Variants in PRKAG2 observed in about 807,000 individuals in gnomAD.
The protein encoded by PRKAG2 is 5'-AMP-activated protein kinase subunit gamma-2.
In PRKAG2, 26 loss-of-function variants were observed where a neutral mutation model predicts 69.6. That is an observed-to-expected ratio of 0.37 (90% confidence interval 0.27 to 0.52). The LOEUF is 0.52. Ranked by LOEUF, PRKAG2 falls within the 20% of genes least tolerant of loss-of-function variation. The pLI, the probability that PRKAG2 is intolerant of heterozygous loss-of-function variation, is 0.90. For missense variants in PRKAG2, 557 were observed against 740.0 expected (o/e 0.75, Z 2.87); for synonymous variants, 293 against 285.0 (o/e 1.03, Z -0.28).
chr7:151,605,459 G>A (rs1417000692), intron 5 of PRKAG2, among the ~76,000 whole-genome samples: 1 of 151,784 alleles, frequency 6.6e-6, no homozygotes, highest in Non-Finnish European at 1.5e-5. Context: ...TTATGGCTGG[G>A]TGCAGTGGCT....
intron 4 of PRKAG2, among the ~76,000 whole-genome samples, chr7:151,668,791 C>CT (rs1449294189): frequency 6.6e-6 from 1 of 152,240 alleles, no homozygotes; most frequent in African/African-American, 2.4e-5. Flanking sequence ...CTCTCACCCT[C>CT]TTACAGGTTC....
At chr7:151,608,363 T>G (rs1307829159) in intron 5 of PRKAG2, among the ~76,000 whole-genome samples, 1 of 152,226 alleles carries the variant, frequency 6.6e-6, no homozygotes, top group East Asian at 1.9e-4. Context: ...AAACCTTCCC[T>G]TTGAGCCCCT....
chr7:151,573,212 C>T (rs1296061877), intron 8 of PRKAG2, among the ~76,000 whole-genome samples: 1 of 150,674 alleles, frequency 6.6e-6, no homozygotes, highest in Admixed American at 6.6e-5. Flanking sequence ...GGCTGGAGTG[C>T]ACAAGTGCGA....
At chr7:151,689,248 G>C (rs1160508363) in intron 3 of PRKAG2, among the ~76,000 whole-genome samples, 2 of 152,128 alleles carry the variant, frequency 1.3e-5, no homozygotes, top group Non-Finnish European at 2.9e-5. Flanking sequence ...GGCTCCAGTG[G>C]CCTCCCACAA....
At chr7:151,568,982 T>G (rs1311319595) in intron 10 of PRKAG2, 140 bp from the exon 11 acceptor site, 6 of 993,370 alleles carry the variant, frequency 6.0e-6, no homozygotes, top group Non-Finnish European at 9.2e-6. Context: ...AAATTAGAGA[T>G]CTCAGCAAAT....
intron 3 of PRKAG2, among the ~76,000 whole-genome samples, chr7:151,708,999 G>A (rs185812987): frequency 2.6e-5 from 4 of 152,280 alleles, no homozygotes; most frequent in Admixed American, 1.3e-4. Context: ...CGGAAACCAT[G>A]ACACTGTGTG....
intron 3 of PRKAG2, among the ~76,000 whole-genome samples, chr7:151,779,183 T>C (rs2076548779): frequency 6.6e-6 from 1 of 152,220 alleles, no homozygotes; most frequent in East Asian, 1.9e-4. Context: ...AAGAAATTGA[T>C]ATGGTTTCAA....
Position 151,777,622 on chromosome 7 carries a change from G to T in PRKAG2, c.466+3530C>A, listed in dbSNP as rs73728288. ...AGCCTGAAGCCCTTGCAAACACCTT[G>T]GCAGAGATCACGACAGCAGGAGAAG... On this transcript the variant is annotated intron_variant, in intron 3 of 15. Transcript: ENST00000287878. The surrounding 1 kb of genome is among the most constrained non-coding windows in gnomAD (Gnocchi z 4.3). 0.093 allele frequency among the ~76,000 whole-genome samples: 14,175 copies of T among 152,212 alleles called. 740 individuals are homozygous for T. Among genetic ancestry groups the T allele is most frequent in the Non-Finnish European group, 0.11 (7,273 of 67,998 alleles).
chr7:151,764,444 T>C (rs2075616566), intron 3 of PRKAG2, among the ~76,000 whole-genome samples: 1 of 152,224 alleles, frequency 6.6e-6, no homozygotes, highest in Non-Finnish European at 1.5e-5. Flanking sequence ...CAACTCCAGC[T>C]CTGATTTGCT....
intron 3 of PRKAG2, among the ~76,000 whole-genome samples, chr7:151,751,522 T>TA (rs200163982): frequency 6.7e-5 from 10 of 150,112 alleles, no homozygotes; most frequent in South Asian, 6.3e-4. Flanking sequence ...TTTATTTATT[T>TA]TTTTGAGACA....
chr7:151,871,614 C>T (rs746853544), intron 1 of PRKAG2, among the ~76,000 whole-genome samples: 2 of 152,232 alleles, frequency 1.3e-5, no homozygotes, highest in African/African-American at 4.8e-5. Flanking sequence ...AGCCATCAAC[C>T]GAATTCAATT....
At chr7:151,607,919 T>A (rs1244838565) in intron 5 of PRKAG2, among the ~76,000 whole-genome samples, 2 of 152,126 alleles carry the variant, frequency 1.3e-5, no homozygotes, top group East Asian at 1.9e-4. Flanking sequence ...AATGAGACCT[T>A]ATTTGCAATA....
At chr7:151,816,582 G>A (rs1278909956) in intron 1 of PRKAG2, among the ~76,000 whole-genome samples, 3 of 152,228 alleles carry the variant, frequency 2.0e-5, no homozygotes, top group Non-Finnish European at 4.4e-5. Context: ...ATCCTGGGAT[G>A]TGCGGGATTA....
chr7:151,820,698 C>T (rs2078749419), intron 1 of PRKAG2, among the ~76,000 whole-genome samples: 1 of 152,252 alleles, frequency 6.6e-6, no homozygotes, highest in Non-Finnish European at 1.5e-5. Flanking sequence ...GGTCAATGTC[C>T]AGTCAAGGCA....
chr7:151,818,572 C>T (rs181513465), intron 1 of PRKAG2, among the ~76,000 whole-genome samples: 1 of 152,348 alleles, frequency 6.6e-6, no homozygotes, highest in Admixed American at 6.5e-5. Context: ...TGGCAACTGC[C>T]CTGGGCAGAG....
intron 1 of PRKAG2, among the ~76,000 whole-genome samples, chr7:151,834,463 G>A (rs1412105347): frequency 6.6e-6 from 1 of 152,112 alleles, no homozygotes; most frequent in Non-Finnish European, 1.5e-5. Context: ...CCACGTTTTT[G>A]TCAACCAATC....
chr7:151,588,142 G>A (rs574156238), intron 6 of PRKAG2, among the ~76,000 whole-genome samples: 5 of 152,098 alleles, frequency 3.3e-5, no homozygotes, highest in Non-Finnish European at 1.5e-5. Context: ...ATTCCATTAT[G>A]AAGTTTTATT....
At chr7:151,557,526 T>C (rs753054476) in intron 15 of PRKAG2, 62 of 985,022 alleles carry the variant, frequency 6.3e-5, no homozygotes, top group Non-Finnish European at 1.2e-5. Flanking sequence ...AGGTATGTTT[T>C]AGTGAAGGTG....
chr7:151,844,963 A>C (rs1225909524), intron 1 of PRKAG2, among the ~76,000 whole-genome samples: 1 of 151,586 alleles, frequency 6.6e-6, no homozygotes, highest in Non-Finnish European at 1.5e-5. Context: ...GGACACGGGG[A>C]CGTCACAGCT....
Sources: gnomAD v4.1 joint callset for allele counts (sites outside exome capture counted in the v4.1 genomes callset) on GRCh38, gnomAD v4.1.1 for gene constraint, Gnocchi (gnomAD v3.1) non-coding constraint, MANE v1.5 for transcripts, NCBI Gene and HGNC (gene_info 2026-07-23, HGNC 2026-07-21) for gene names.